Variants in KLRB1 observed in about 807,000 individuals in gnomAD.
The protein encoded by KLRB1 is killer cell lectin like receptor B1, also known as killer cell lectin-like receptor subfamily B member 1.
Under a neutral mutation model 33.5 loss-of-function variants are expected in KLRB1, and 27 were observed. That is an observed-to-expected ratio of 0.81 (90% CI 0.59 to 1.11). The LOEUF (loss-of-function observed/expected upper bound fraction) is 1.11, where lower values mean the gene tolerates loss of function less well. KLRB1 is among the 50% of genes most tolerant of loss of function. The pLI, the probability that KLRB1 is intolerant of heterozygous loss-of-function variation, is 0.00. For missense variants in KLRB1, 241 were observed against 254.1 expected (o/e 0.95, Z 0.35); for synonymous variants, 64 against 88.9 (o/e 0.72, Z 1.58).
At chr12:9,606,851 G>A (rs144387361) in intron 1 of KLRB1, among the ~76,000 whole-genome samples, 1,519 of 146,628 alleles carry the variant, frequency 0.01, 30 homozygotes, top group African/African-American at 0.036. Context: ...TGATCTCTTG[G>A]GCTCAAGCAA....
chr12:9,599,430 A>G (rs893855021), intron 3 of KLRB1, among the ~76,000 whole-genome samples: 3 of 152,222 alleles, frequency 2.0e-5, no homozygotes, highest in African/African-American at 7.2e-5. Flanking sequence ...TTCAGACCAA[A>G]CTTAACAGCT....
At chr12:9,603,945 T>C (rs1472052630) in intron 1 of KLRB1, among the ~76,000 whole-genome samples, 1 of 152,174 alleles carries the variant, frequency 6.6e-6, no homozygotes, top group Non-Finnish European at 1.5e-5. Context: ...GAAACAATTC[T>C]TCTAAATGCT....
intron 2 of KLRB1, among the ~76,000 whole-genome samples, chr12:9,601,017 C>T (rs1864535612): frequency 7.3e-6 from 1 of 137,674 alleles, no homozygotes; most frequent in Non-Finnish European, 1.6e-5. Context: ...ATTGTATGCT[C>T]CATCTACTGA....
rs563316571 is a variant in KLRB1, at chr12:9,607,388, C to T, written c.85+367G>A. Among the ~76,000 whole-genome samples, 487 of 86,894 alleles carry T rather than the reference C, an allele frequency of 5.6e-3. 13 individuals are homozygous for T. Among genetic ancestry groups the T allele is most frequent in the African/African-American group, 0.014 (354 of 26,154 alleles). The allele number at this position is 86,894 out of a possible 152,430, so 57.0% of individuals were successfully genotyped here. ...TCTTTCTTTCTTTCTTTCTTTCTTT[C>T]TTTCTTTCTTTCTTTCTTTTCTTTC... On this transcript the variant is annotated intron_variant, in intron 1 of 5. Coordinates refer to ENST00000229402, the MANE Select transcript of KLRB1 (RefSeq NM_002258.3).
At chr12:9,604,756 C>G (rs77209447) in intron 1 of KLRB1, among the ~76,000 whole-genome samples, 9,009 of 152,216 alleles carry the variant, frequency 0.059, 335 homozygotes, top group African/African-American at 0.099. Flanking sequence ...TCAAATCTTT[C>G]TCAATAACAT....
chr12:9,606,972 G>A (rs1018301739), intron 1 of KLRB1, among the ~76,000 whole-genome samples: 8 of 151,244 alleles, frequency 5.3e-5, no homozygotes, highest in Admixed American at 2.0e-4. Context: ...GCCCAGGCTG[G>A]CCTTAAACTC....
Position 9,598,054 on chromosome 12 carries a change from AT to A in KLRB1, c.521del (p.Asn174IlefsTer5), listed in dbSNP as rs1414298695. The A allele has an allele frequency of 6.8e-6, 10 of 1,472,830 alleles. No individual in the cohort carries two copies. Among genetic ancestry groups the A allele is most frequent in the Admixed American group, 1.9e-5 (1 of 53,228 alleles). The allele number at this position is 1,472,830 out of a possible 1,614,324, so 91.2% of individuals were successfully genotyped here. On this transcript the variant is annotated frameshift_variant, in exon 5 of 6. Coordinates refer to ENST00000229402, the MANE Select transcript of KLRB1 (RefSeq NM_002258.3). LOFTEE classifies it high-confidence loss of function. ...NWKWINGSFL[N>X]SNDLEIRGDA... ...GCTCATCTAATACTCACTCATTAGA[AT>A]TTAAAAAAGAGCCGTTTATCCACTT...
chr12:9,598,258 C>G, intron 4 of KLRB1, 97 bp from the exon 5 acceptor site: 2 of 826,992 alleles, frequency 2.4e-6, no homozygotes, highest in Non-Finnish European at 4.0e-6. Flanking sequence ...TGAAGTCTTT[C>G]CTAACTCGTC....
At chr12:9,602,947 C>T (rs955110304) in intron 1 of KLRB1, among the ~76,000 whole-genome samples, 3 of 152,120 alleles carry the variant, frequency 2.0e-5, no homozygotes, top group African/African-American at 7.2e-5. Context: ...TTAGGATGCT[C>T]ACACTGATAT....
At chr12:9,605,213 A>G (rs906218250) in intron 1 of KLRB1, among the ~76,000 whole-genome samples, 5 of 152,366 alleles carry the variant, frequency 3.3e-5, no homozygotes, top group African/African-American at 1.2e-4. Flanking sequence ...TATATGTGCC[A>G]CATTTTCTCA....
At chr12:9,598,260 T>A in intron 4 of KLRB1, 99 bp from the exon 5 acceptor site, 1 of 820,790 alleles carries the variant, frequency 1.2e-6, no homozygotes, top group Non-Finnish European at 2.0e-6. Context: ...AAGTCTTTCC[T>A]AACTCGTCGT....
chr12:9,604,100 TGAGTG>T (rs935554221), intron 1 of KLRB1, among the ~76,000 whole-genome samples: 3 of 151,990 alleles, frequency 2.0e-5, no homozygotes, highest in African/African-American at 7.3e-5. Context: ...TGTAAGGAGT[TGAGTG>T]GAGTGTACTG....
chr12:9,607,879 A>G lies in KLRB1; in HGVS notation c.-40T>C. The G allele has an allele frequency of 1.4e-6, 2 of 1,392,146 alleles. No homozygotes were observed. The highest frequency in any genetic ancestry group is 2.0e-6 in the Non-Finnish European group (2 of 978,640). The allele number at this position is 1,392,146 out of a possible 1,614,324, so 86.2% of individuals were successfully genotyped here. A position where few individuals can be genotyped will look rare whatever the true frequency, so the allele number is the denominator to read the frequency against. ...GGTGGCATTAAACTTGTGTGTAAGA[A>G]CAAACTCTCAATTCTGTGAGGCAAA... is the stretch of plus-strand genomic sequence containing the variant. On this transcript the variant is annotated 5_prime_UTR_variant, in exon 1 of 6. Transcript: ENST00000229402.
At chr12:9,607,422 TTTCTTCC>T (rs1864634389) in intron 1 of KLRB1, among the ~76,000 whole-genome samples, 1 of 145,466 alleles carries the variant, frequency 6.9e-6, no homozygotes, top group Non-Finnish European at 1.5e-5. Context: ...TCTTTCTTTC[TTTCTTCC>T]TTCTTTCCAT....
chr12:9,606,765 T>TTTTTTTTTTTTTTTTTTTTTTTTTA (rs1864610897), intron 1 of KLRB1, among the ~76,000 whole-genome samples: 1 of 125,558 alleles, frequency 8.0e-6, no homozygotes, highest in Non-Finnish European at 1.6e-5. Context: ...TATATATTTT[T>TTTTTTTTTTTTTTTTTTTTTTTTTA]TTTTTTTTTT....
chr12:9,607,335 C>CCTTT (rs1258225429), intron 1 of KLRB1, among the ~76,000 whole-genome samples: 1,989 of 65,006 alleles, frequency 0.031, 178 homozygotes, highest in East Asian at 0.046. Flanking sequence ...CTCTTTCTTT[C>CCTTT]CTTTCTTTCT....
Position 9,598,616 on chromosome 12 carries a change from C to T in KLRB1, c.297G>A (p.Gln99=), listed in dbSNP as rs367849252. The part of the protein sequence containing the change: ...PGLLNCPIYW[Q]QLREKCLLFS... ...ATAACAAGCATTTCTCTCGGAGTTGCTGCCAATATATTGGGCAGTTTAAGA... is the reference window on the plus strand; with the variant it reads ...ATAACAAGCATTTCTCTCGGAGTTGTTGCCAATATATTGGGCAGTTTAAGA... The change falls in exon 4 of 6, where the codon CAG becomes CAA. Residue 99 remains glutamine, a synonymous_variant. Coordinates refer to ENST00000229402, the MANE Select transcript of KLRB1 (RefSeq NM_002258.3). 1 of 1,612,782 alleles carries T rather than the reference C, an allele frequency of 6.2e-7. No individual in the cohort carries two copies. The highest frequency in any genetic ancestry group is 8.5e-7 in the Non-Finnish European group (1 of 1,179,220).
chr12:9,600,620 A>G (rs1161974569), intron 2 of KLRB1, among the ~76,000 whole-genome samples: 1 of 152,176 alleles, frequency 6.6e-6, no homozygotes, highest in African/African-American at 2.4e-5. Context: ...TCTCTGAAAC[A>G]TGTGCTGTGT....
intron 1 of KLRB1, among the ~76,000 whole-genome samples, chr12:9,606,742 ATATATATATATATATATATT>A (rs1565444206): frequency 2.4e-3 from 54 of 22,826 alleles, no homozygotes; most frequent in Admixed American, 3.6e-3. Context: ...AAGTATATAT[ATATATATATATATATATATT>A]TTTTTTTTTT....
Sources: allele counts gnomAD v4.1 joint callset (sites outside exome capture counted in the v4.1 genomes callset), GRCh38; gene constraint gnomAD v4.1.1; transcripts MANE v1.5; gene names NCBI Gene and HGNC (gene_info 2026-07-23, HGNC 2026-07-21).